The following NBR1 variants were observed in gnomAD, a reference collection of about 807,000 sequenced individuals.
NBR1 encodes the protein NBR1 autophagy cargo receptor.
Under a neutral mutation model 115.5 loss-of-function variants are expected in NBR1, and 59 were observed. The observed-to-expected ratio is 0.51, with a 90% confidence interval of 0.41 to 0.63. NBR1 has a LOEUF of 0.63. NBR1 is among the 30% of genes least tolerant of loss of function. NBR1 has a pLI of 0.00. For synonymous variants in NBR1, 373 were observed against 414.7 expected, an observed-to-expected ratio of 0.90 and a Z score of 1.22; for missense variants, 1,043 against 1,150.5, an observed-to-expected ratio of 0.91 and a Z score of 1.35.
At chr17:43,185,573 C>T (rs1011525407) in intron 5 of NBR1, among the ~76,000 whole-genome samples, 21 of 152,084 alleles carry the variant, frequency 1.4e-4, no homozygotes, top group South Asian at 4.1e-4. Context: ...TGGTGGCATG[C>T]GCCTGTAATC....
upstream of NBR1, chr17:43,170,770 T>C (rs1449510841): frequency 6.6e-6 from 1 of 152,168 alleles, no homozygotes; most frequent in South Asian, 2.1e-4. Flanking sequence ...GGAAATCCAG[T>C]GGATAGATTG....
intron 7 of NBR1, 134 bp downstream of exon 7, chr17:43,189,253 T>G: frequency 1.4e-6 from 1 of 707,564 alleles, no homozygotes. Flanking sequence ...TTTCCAAACT[T>G]AGAACAGTTC....
chr17:43,189,136 G>A lies in NBR1; in HGVS notation c.480+17G>A, dbSNP rs2271572. On this transcript the variant is annotated intron_variant, in intron 7 of 20. Coordinates refer to ENST00000590996, the MANE Select transcript of NBR1 (RefSeq NM_005899.5). ...CTGGAGACGGTGAGTGTTCTGTCTC[G>A]CTTGGGTTTTAACTGCGGTGTTGGC... 7,256 of 1,584,066 alleles carry A rather than the reference G, an allele frequency of 4.6e-3. 34 individuals are homozygous for A. Among genetic ancestry groups the A allele is most frequent in the Middle Eastern group, 6.7e-3 (40 of 6,008 alleles).
chr17:43,173,076 T>G (rs1169198348), intron 1 of NBR1, among the ~76,000 whole-genome samples: 2 of 152,136 alleles, frequency 1.3e-5, no homozygotes, highest in Non-Finnish European at 2.9e-5. Flanking sequence ...TCCACCCACC[T>G]CGGCCTCCCA....
At chr17:43,207,842 G>A (rs2057345658) in intron 20 of NBR1, among the ~76,000 whole-genome samples, 1 of 152,178 alleles carries the variant, frequency 6.6e-6, no homozygotes, top group South Asian at 2.1e-4. Flanking sequence ...CACAGATAAT[G>A]GCAAGCCAAC....
chr17:43,200,959 C>G (rs1043343794), intron 17 of NBR1, among the ~76,000 whole-genome samples: 8 of 150,370 alleles, frequency 5.3e-5, no homozygotes, highest in African/African-American at 2.0e-4. Context: ...ACCTCTGCCT[C>G]TGAGGCTCAA....
At chr17:43,207,242 A>G (rs1232448334) in intron 20 of NBR1, among the ~76,000 whole-genome samples, 1 of 152,204 alleles carries the variant, frequency 6.6e-6, no homozygotes, top group African/African-American at 2.4e-5. Context: ...CTCAGTATCT[A>G]TGACGGTTGG....
intron 7 of NBR1, 84 bp downstream of exon 7, chr17:43,189,203 G>A (rs2056888192): frequency 1.0e-6 from 1 of 992,198 alleles, no homozygotes; most frequent in Non-Finnish European, 1.6e-6. Flanking sequence ...AACCCAGGTG[G>A]CTGCTGCCTC....
Position 43,202,724 on chromosome 17 carries a change from G to A in NBR1, c.2621+12G>A, listed in dbSNP as rs775756147. ...TATGACCACTCAAGGTAACAACCTT[G>A]TGCAGTCTCTTTTTTCAGAAGCAGG... On this transcript the variant is annotated intron_variant, in intron 19 of 20. Coordinates refer to ENST00000590996, the MANE Select transcript of NBR1 (RefSeq NM_005899.5). 3.2e-6 allele frequency: 5 copies of A among 1,561,638 alleles called. No individual in the cohort carries two copies. Among genetic ancestry groups the A allele is most frequent in the Non-Finnish European group, 4.3e-6 (5 of 1,151,166 alleles).
intron 16 of NBR1, 80 bp from the exon 17 acceptor site, chr17:43,200,087 C>CA (rs1391485132): frequency 8.6e-7 from 1 of 1,160,268 alleles, no homozygotes; most frequent in Non-Finnish European, 1.2e-6. Context: ...GCTTATGATC[C>CA]ACAAGGCTTT....
chr17:43,201,076 C>T (rs555351135), intron 17 of NBR1, among the ~76,000 whole-genome samples: 1 of 152,176 alleles, frequency 6.6e-6, no homozygotes, highest in Non-Finnish European at 1.5e-5. Context: ...GCCACGTTGT[C>T]CAGGCTGGTC....
chr17:43,188,674 A>C (rs1461095116), intron 6 of NBR1, among the ~76,000 whole-genome samples: 2 of 152,328 alleles, frequency 1.3e-5, no homozygotes, highest in East Asian at 3.9e-4. Context: ...AGTTTTCTAC[A>C]TATGGCTAGC....
rs762888196 is a variant in NBR1, at chr17:43,193,244, A to G, written c.1224A>G (p.Ala408=). 1 of 1,613,992 alleles carries G rather than the reference A, an allele frequency of 6.2e-7. No homozygotes were observed. Among genetic ancestry groups the G allele is most frequent in the South Asian group, 1.1e-5 (1 of 91,078 alleles). ...ATACAGGAAATGTAAAGTGGAGTGC[A>G]GACACAAAGGTAATTTTTCCCACAA... ...MKNTGNVKWS[A]DTKLKFMWGN... The change falls in exon 11 of 21, where the codon GCA becomes GCG. Residue 408 remains alanine, a synonymous_variant. Coordinates refer to ENST00000590996, the MANE Select transcript of NBR1 (RefSeq NM_005899.5).
chr17:43,179,691 T>A (rs2056615286), intron 4 of NBR1, among the ~76,000 whole-genome samples: 1 of 152,200 alleles, frequency 6.6e-6, no homozygotes, highest in Non-Finnish European at 1.5e-5. Flanking sequence ...CATATAAGTA[T>A]TCCCATGGTG....
intron 6 of NBR1, among the ~76,000 whole-genome samples, chr17:43,188,490 T>A (rs1283587129): frequency 2.0e-5 from 3 of 152,330 alleles, no homozygotes; most frequent in Non-Finnish European, 4.4e-5. Context: ...AATTTTGGCT[T>A]TTGTTGCCAC....
intron 20 of NBR1, among the ~76,000 whole-genome samples, chr17:43,205,013 G>C (rs1226860594): frequency 6.6e-6 from 1 of 151,836 alleles, no homozygotes; most frequent in Non-Finnish European, 1.5e-5. Flanking sequence ...GTCTTGCCCA[G>C]AAACTATGGG....
intron 18 of NBR1, among the ~76,000 whole-genome samples, chr17:43,202,363 G>T (rs1470269275): frequency 1.3e-5 from 2 of 151,980 alleles, no homozygotes; most frequent in African/African-American, 4.8e-5. Flanking sequence ...AGTTCAGCAG[G>T]TTTCTAATGG....
intron 5 of NBR1, among the ~76,000 whole-genome samples, chr17:43,183,813 C>T (rs1407935385): frequency 6.6e-6 from 1 of 152,112 alleles, no homozygotes; most frequent in East Asian, 1.9e-4. Context: ...GCATGTGCCA[C>T]CACACCCAAC....
Position 43,191,432 on chromosome 17 carries a change from G to A in NBR1, c.924G>A (p.Glu308=). 6.2e-7 allele frequency: 1 copy of A among 1,613,528 alleles called. No individual in the cohort carries two copies. The highest frequency in any genetic ancestry group is 8.5e-7 in the Non-Finnish European group (1 of 1,179,704). ...LKAEKQRLRA[E]KKQRKAEVKE... ...CAGAAAAGCAAAGGTTGCGAGCTGA[G>A]AAGAAACAACGTAAAGCAGAGGTCA... Residue 308 remains glutamate, a synonymous_variant, in exon 10 of 21, where the codon GAG becomes GAA. Coordinates refer to ENST00000590996, the MANE Select transcript of NBR1 (RefSeq NM_005899.5).
Sources: gnomAD v4.1 joint callset for allele counts (sites outside exome capture counted in the v4.1 genomes callset) on GRCh38, gnomAD v4.1.1 for gene constraint, MANE v1.5 for transcripts, NCBI Gene and HGNC (gene_info 2026-07-23, HGNC 2026-07-21) for gene names.